GUCY1A2: variants seen among roughly 807,000 people sequenced by gnomAD.
GUCY1A2 encodes the protein guanylate cyclase 1 soluble subunit alpha 2.
GUCY1A2 carries 27 observed loss-of-function variants against 63.5 expected under a neutral mutation model. The ratio of observed to expected loss-of-function variants is 0.43; its 90% CI spans 0.31 to 0.59. GUCY1A2 has a LOEUF of 0.59. Among genes scored for constraint, GUCY1A2 ranks in the 20% least tolerant of loss-of-function variants. GUCY1A2 has a pLI of 0.11. For missense variants in GUCY1A2, 768 were observed against 913.3 expected (o/e 0.84, Z 2.05); for synonymous variants, 364 against 343.5 (o/e 1.06, Z -0.66).
chr11:106,822,546 C>T (rs995619383), intron 4 of GUCY1A2, among the ~76,000 whole-genome samples: 6 of 152,110 alleles, frequency 3.9e-5, no homozygotes, highest in Non-Finnish European at 7.4e-5. Flanking sequence ...GACCCAGTTT[C>T]TATTGTTCCC....
intron 4 of GUCY1A2, among the ~76,000 whole-genome samples, chr11:106,870,214 CCATA>C (rs946914122): frequency 4.0e-4 from 60 of 151,814 alleles, no homozygotes; most frequent in Admixed American, 7.9e-4. Flanking sequence ...CGTAACAAAC[CCATA>C]CATTGTGCAC....
chr11:106,868,931 A>G (rs1027117287), intron 4 of GUCY1A2, among the ~76,000 whole-genome samples: 9 of 152,218 alleles, frequency 5.9e-5, no homozygotes, highest in Non-Finnish European at 7.3e-5. Context: ...GGAACAGAAC[A>G]GAGTCCTCAG....
At chr11:106,808,646 C>CA (rs936563998) in intron 5 of GUCY1A2, among the ~76,000 whole-genome samples, 20 of 132,532 alleles carry the variant, frequency 1.5e-4, no homozygotes, top group East Asian at 4.4e-4. Flanking sequence ...CAAAACAAAA[C>CA]AAAAAAAACA....
chr11:106,849,452 G>A (rs923690080), intron 4 of GUCY1A2, among the ~76,000 whole-genome samples: 5 of 151,300 alleles, frequency 3.3e-5, no homozygotes, highest in African/African-American at 1.2e-4. Flanking sequence ...AGGTTCAAAG[G>A]AGGTAGCAAT....
intron 7 of GUCY1A2, among the ~76,000 whole-genome samples, chr11:106,700,430 G>C (rs1383519573): frequency 6.6e-6 from 1 of 152,092 alleles, no homozygotes; most frequent in African/African-American, 2.4e-5. Flanking sequence ...ATATAGCAGA[G>C]AGACAAAGAA....
chr11:106,881,248 T>C (rs1328441646), intron 4 of GUCY1A2, among the ~76,000 whole-genome samples: 2 of 152,104 alleles, frequency 1.3e-5, no homozygotes, highest in African/African-American at 4.8e-5. Flanking sequence ...GTTAATTGCA[T>C]ATAAACATTA....
chr11:106,999,873 A>C (rs767123790), intron 1 of GUCY1A2, among the ~76,000 whole-genome samples: 3 of 152,218 alleles, frequency 2.0e-5, no homozygotes, highest in Non-Finnish European at 4.4e-5. Context: ...GATTTTTCTA[A>C]ACAGTCAAGA....
chr11:106,808,704 A>T (rs1214418285), intron 5 of GUCY1A2, among the ~76,000 whole-genome samples: 1 of 152,114 alleles, frequency 6.6e-6, no homozygotes, highest in Non-Finnish European at 1.5e-5. Flanking sequence ...AGTAGTTTAG[A>T]GGGAAAAGAT....
At chr11:106,812,188 A>C (rs967545302) in intron 4 of GUCY1A2, among the ~76,000 whole-genome samples, 1 of 151,936 alleles carries the variant, frequency 6.6e-6, no homozygotes, top group Non-Finnish European at 1.5e-5. Flanking sequence ...AAATTTTTTT[A>C]AGATTGACAT....
At chr11:106,741,253 G>A (rs1200268183) in intron 6 of GUCY1A2, among the ~76,000 whole-genome samples, 5 of 152,110 alleles carry the variant, frequency 3.3e-5, no homozygotes, top group Non-Finnish European at 7.4e-5. Context: ...TTCTTATTTT[G>A]GAGAAAGTCT....
intron 6 of GUCY1A2, among the ~76,000 whole-genome samples, chr11:106,759,664 T>C (rs1180608295): frequency 6.6e-6 from 1 of 152,238 alleles, no homozygotes; most frequent in Non-Finnish European, 1.5e-5. Flanking sequence ...CCAGGTGTGA[T>C]GGCTCATGCC....
At chr11:106,884,390 C>T (rs1461614090) in intron 4 of GUCY1A2, among the ~76,000 whole-genome samples, 3 of 151,932 alleles carry the variant, frequency 2.0e-5, no homozygotes, top group Admixed American at 1.3e-4. Flanking sequence ...AGAAGTTAAC[C>T]GGTAAATATT....
rs17106323 is a variant in GUCY1A2 at position 106,998,891 on chromosome 11, T to C, written c.304-12760A>G. 5.7e-3 allele frequency among the ~76,000 whole-genome samples: 875 copies of C among 152,308 alleles called. 8 individuals carry two copies. Among genetic ancestry groups the C allele is most frequent in the African/African-American group, 0.02 (841 of 41,574 alleles). ...ATTATTTTGTTTTTACTTCCCAATG[T>C]ATCCATGTTATCACTACAGACCAAG... On this transcript the variant is annotated intron_variant, in intron 1 of 7. Transcript: ENST00000526355.
At chr11:106,702,186 C>A (rs10890564) in intron 7 of GUCY1A2, among the ~76,000 whole-genome samples, 38,739 of 152,010 alleles carry the variant, frequency 0.25, 5,372 homozygotes, top group African/African-American at 0.35. Context: ...AATAAATTGT[C>A]AGTAATTCAA....
At chr11:106,922,662 CAT>C (rs6144495) in intron 4 of GUCY1A2, among the ~76,000 whole-genome samples, 116 of 124,404 alleles carry the variant, frequency 9.3e-4, no homozygotes, top group South Asian at 2.1e-3. Context: ...TTGTTAACTA[CAT>C]ATATATATAT....
chr11:106,717,065 G>T (rs1487907), intron 6 of GUCY1A2, among the ~76,000 whole-genome samples: 17,209 of 152,142 alleles, frequency 0.11, 1,063 homozygotes, highest in Non-Finnish European at 0.12. Flanking sequence ...GCTATATCTA[G>T]CCTCTTAGAG....
At chr11:106,764,751 A>T (rs923747511) in intron 6 of GUCY1A2, among the ~76,000 whole-genome samples, 5 of 152,066 alleles carry the variant, frequency 3.3e-5, no homozygotes, top group African/African-American at 1.2e-4. Flanking sequence ...TCTTGTTATT[A>T]AGTACTCAGG....
chr11:106,820,877 ATT>A (rs1198183232), intron 4 of GUCY1A2, among the ~76,000 whole-genome samples: 1 of 152,154 alleles, frequency 6.6e-6, no homozygotes. Context: ...TATAATTCAT[ATT>A]GTTTATTCAT....
At chr11:106,941,087 A>C (rs920378430) in intron 3 of GUCY1A2, among the ~76,000 whole-genome samples, 4 of 152,198 alleles carry the variant, frequency 2.6e-5, no homozygotes, top group African/African-American at 9.7e-5. Context: ...AGGAGAAAAA[A>C]CAAGAAAATA....
Sources: allele counts gnomAD v4.1 joint callset (sites outside exome capture counted in the v4.1 genomes callset), GRCh38; gene constraint gnomAD v4.1.1; transcripts MANE v1.5; gene names NCBI Gene and HGNC (gene_info 2026-07-23, HGNC 2026-07-21).